Variants in GYS1 observed in about 807,000 individuals in gnomAD.
GYS1 encodes the protein glycogen synthase 1, also known as glycogen [starch] synthase, muscle.
In GYS1, 60 loss-of-function variants were observed where a neutral mutation model predicts 89.1. That is an observed-to-expected ratio of 0.67 (90% CI 0.55 to 0.84). The LOEUF (loss-of-function observed/expected upper bound fraction) is 0.84. Ranked by LOEUF, GYS1 falls within the 40% of genes least tolerant of loss-of-function variation. The pLI, the probability that GYS1 is intolerant of heterozygous loss-of-function variation, is 0.00. For missense variants in GYS1, 888 were observed against 1,003.1 expected, an observed-to-expected ratio of 0.89 and a Z score of 1.55; for synonymous variants, 366 against 401.7, an observed-to-expected ratio of 0.91 and a Z score of 1.06.
chr19:48,979,906 C>A (rs2038730590), intron 8 of GYS1, among the ~76,000 whole-genome samples: 1 of 151,988 alleles, frequency 6.6e-6, no homozygotes, highest in Non-Finnish European at 1.5e-5. Context: ...CTCGGCCTCC[C>A]AAAGTGCCGG....
chr19:48,981,815 C>T (rs2038768422), intron 7 of GYS1, among the ~76,000 whole-genome samples, 179 bp from the exon 8 acceptor site: 1 of 152,156 alleles, frequency 6.6e-6, no homozygotes, highest in Admixed American at 6.6e-5. Context: ...CCTCACGGCC[C>T]CCCACCATAC....
intron 8 of GYS1, among the ~76,000 whole-genome samples, chr19:48,980,223 G>A (rs763241542): frequency 1.3e-5 from 2 of 152,072 alleles, no homozygotes; most frequent in East Asian, 1.9e-4. Context: ...TTGCTCCCTC[G>A]TCACCTTTCC....
Position 48,974,189 on chromosome 19 carries a change from C to T in GYS1, c.1549+24G>A, listed in dbSNP as rs952533666. 7.0e-6 allele frequency: 11 copies of T among 1,578,062 alleles called. No individual in the cohort carries two copies. In the African/African-American group the frequency reaches 1.2e-4, roughly 17 times the overall value. On this transcript the variant is annotated intron_variant, in intron 12 of 15. Coordinates refer to ENST00000323798, the MANE Select transcript of GYS1 (RefSeq NM_002103.5). ...CTCTGACTAGGATGCCATGACCACGCTGTCCCCTGCCCACTACACTCACCC... is the reference window on the plus strand; with the variant it reads ...CTCTGACTAGGATGCCATGACCACGTTGTCCCCTGCCCACTACACTCACCC...
chr19:48,976,791 G>A (rs541205962), intron 10 of GYS1, among the ~76,000 whole-genome samples: 8 of 151,828 alleles, frequency 5.3e-5, no homozygotes, highest in South Asian at 2.1e-4. Context: ...GTATGTGTCC[G>A]CCTCGCTCTG....
chr19:48,984,300 C>T (rs1220235433), intron 5 of GYS1, among the ~76,000 whole-genome samples: 1 of 152,022 alleles, frequency 6.6e-6, no homozygotes, highest in Non-Finnish European at 1.5e-5. Context: ...AGCCACCGTG[C>T]CCAGCCAAGT....
chr19:48,972,333 CAAA>C (rs779421115), intron 12 of GYS1, among the ~76,000 whole-genome samples: 2 of 130,544 alleles, frequency 1.5e-5, no homozygotes, highest in African/African-American at 2.8e-5. Context: ...GACTCTGTCT[CAAA>C]AAAAAAAAAA....
At chr19:48,975,891 G>A (rs1461631170) in intron 10 of GYS1, among the ~76,000 whole-genome samples, 7 of 121,368 alleles carry the variant, frequency 5.8e-5, no homozygotes, top group African/African-American at 2.3e-4. Flanking sequence ...CAGCCTGGGC[G>A]ACAGAGCGAG....
At chr19:48,969,917 G>A (rs1279074314) in intron 14 of GYS1, 62 bp from the exon 15 acceptor site, 4 of 1,142,104 alleles carry the variant, frequency 3.5e-6, no homozygotes, top group Non-Finnish European at 5.3e-6. Flanking sequence ...CCAGGCAGAT[G>A]ATGGGGGTCT....
intron 5 of GYS1, among the ~76,000 whole-genome samples, chr19:48,984,453 T>C (rs185513642): frequency 6.7e-6 from 1 of 150,236 alleles, no homozygotes; most frequent in Non-Finnish European, 1.5e-5. Context: ...TGGAGTGCAG[T>C]GGTGTGATCT....
At chr19:48,979,707 C>A (rs62125991) in intron 8 of GYS1, among the ~76,000 whole-genome samples, 1 of 140,752 alleles carries the variant, frequency 7.1e-6, no homozygotes, top group Non-Finnish European at 1.5e-5. Flanking sequence ...AGTGCATTGG[C>A]GCGATCTTGG....
At chr19:48,970,814 C>T (rs575792567) in intron 13 of GYS1, 105 bp from the exon 14 acceptor site, 9 of 1,395,438 alleles carry the variant, frequency 6.4e-6, no homozygotes, top group Non-Finnish European at 8.1e-6. Context: ...GCCCGAGAGC[C>T]CCCCCATTTC....
chr19:48,991,433 C>G lies in GYS1; in HGVS notation c.169G>C (p.Glu57Gln). The G allele has an allele frequency of 6.2e-7, 1 of 1,614,140 alleles. No homozygotes were observed. Among genetic ancestry groups the G allele is most frequent in the Non-Finnish European group, 8.5e-7 (1 of 1,180,026 alleles). The change falls in exon 2 of 16, where the codon GAA becomes CAA. Residue 57 changes from glutamate to glutamine, a missense_variant. Transcript: ENST00000323798. This position sits in a 1 kb window ranked among gnomAD's most constrained non-coding sequence, Gnocchi z 4.7. The stretch of plus-strand genomic sequence containing the variant: ...ACCAGGAAGTAGTTGTCGCCCCATT[C>G]GTCCCCTGTCACCTTCGCCTTCGTC... ...LQTKAKVTGD[E>Q]WGDNYFLVGP... is the part of the protein sequence containing the mutation.
rs768653661 is a variant in GYS1, at chr19:48,969,376, T to C, written c.2126A>G (p.Asn709Ser). ...GCTGGAGGTGGCCGTGTCCACAGAG[T>C]TGCGCTTGCTGCCGCTGGTGGAGGA... ...CTSSTSGSKR[N>S]SVDTATSSSL... The change falls in exon 16 of 16, where the codon AAC (asparagine) becomes AGC (serine). Residue 709 changes from asparagine to serine, a missense_variant. Transcript: ENST00000323798. 2.5e-6 allele frequency: 4 copies of C among 1,576,008 alleles called. No individual in the cohort carries two copies. The East Asian group carries it at 9.3e-5, about 37-fold the overall frequency.
At chr19:48,981,683 C>T (rs764960616) in intron 7 of GYS1, 47 bp from the exon 8 acceptor site, 28 of 1,219,020 alleles carry the variant, frequency 2.3e-5, no homozygotes, top group Non-Finnish European at 3.0e-5. Context: ...GTGGGGGAAG[C>T]CTGGAACCAG....
intron 4 of GYS1, 83 bp from the exon 5 acceptor site, chr19:48,985,688 T>G (rs2038831856): frequency 6.4e-7 from 1 of 1,558,908 alleles, no homozygotes; most frequent in East Asian, 2.2e-5. Context: ...CCAAGAGAAA[T>G]TGGTGCTGGG....
chr19:48,973,155 G>GTT (rs1175337004), intron 12 of GYS1, among the ~76,000 whole-genome samples: 1 of 152,106 alleles, frequency 6.6e-6, no homozygotes, highest in Admixed American at 6.6e-5. Flanking sequence ...AGATCTCATG[G>GTT]TTTTATAAAT....
At chr19:48,986,453 T>C (rs942080532) in intron 3 of GYS1, among the ~76,000 whole-genome samples, 1 of 151,688 alleles carries the variant, frequency 6.6e-6, no homozygotes, top group Non-Finnish European at 1.5e-5. Flanking sequence ...AGCCAGTTCC[T>C]CAATTATTTG....
chr19:48,985,028 A>AT (rs1319368517), intron 5 of GYS1, among the ~76,000 whole-genome samples: 2 of 152,114 alleles, frequency 1.3e-5, no homozygotes, highest in African/African-American at 2.4e-5. Context: ...TATTAAATGC[A>AT]TTTTTTTATT....
At position 48,984,641 on chromosome 19, in the gene GYS1, G is replaced by A. The variant is rs561107602; in HGVS notation, c.823+820C>T. Among the ~76,000 whole-genome samples, 4 of 152,086 alleles carry A rather than the reference G, an allele frequency of 2.6e-5. No homozygotes were observed. In the South Asian group the frequency reaches 8.3e-4, roughly 32 times the overall value. On this transcript the variant is annotated intron_variant, in intron 5 of 15. Coordinates refer to ENST00000323798, the MANE Select transcript of GYS1 (RefSeq NM_002103.5). The stretch of plus-strand genomic sequence containing the variant: ...GATCTCCTGACCTCGTGATCTGCCC[G>A]CCTTGGCCTCCCAAAGTGTTGGGAT...
Sources: gnomAD v4.1 joint callset for allele counts (sites outside exome capture counted in the v4.1 genomes callset) on GRCh38, gnomAD v4.1.1 for gene constraint, Gnocchi (gnomAD v3.1) non-coding constraint, MANE v1.5 for transcripts, NCBI Gene and HGNC (gene_info 2026-07-23, HGNC 2026-07-21) for gene names.